RNF175: variants seen among roughly 807,000 people sequenced by gnomAD.
RNF175 encodes the protein ring finger protein 175.
Under a neutral mutation model 50.0 loss-of-function variants are expected in RNF175, and 38 were observed. The observed-to-expected ratio is 0.76, with a 90% confidence interval of 0.59 to 1.00. The LOEUF is 1.00. Among genes scored for constraint, RNF175 ranks in the 50% least tolerant of loss-of-function variants. The pLI is 0.00. For missense variants in RNF175, 388 were observed against 409.6 expected, an observed-to-expected ratio of 0.95 and a Z score of 0.46; for synonymous variants, 155 against 146.1, an observed-to-expected ratio of 1.06 and a Z score of -0.44.
chr4:153,730,210 G>T (rs931569149), intron 3 of RNF175, among the ~76,000 whole-genome samples: 6 of 152,056 alleles, frequency 3.9e-5, no homozygotes, highest in Non-Finnish European at 8.8e-5. Flanking sequence ...TTTGGGAGGC[G>T]GGGGTGGATG....
intron 4 of RNF175, among the ~76,000 whole-genome samples, chr4:153,724,451 G>T (rs1738549656): frequency 6.6e-6 from 1 of 152,142 alleles, no homozygotes; most frequent in Non-Finnish European, 1.5e-5. Context: ...ATGGCAGAAG[G>T]CCCTGTTTGC....
intron 7 of RNF175, 39 bp from the exon 8 acceptor site, chr4:153,712,615 G>A: frequency 7.6e-7 from 1 of 1,308,678 alleles, no homozygotes; most frequent in Non-Finnish European, 1.1e-6. Flanking sequence ...GATATGAAAA[G>A]GCAATGTCTG....
At chr4:153,713,558 C>G (rs1321668005) in intron 7 of RNF175, 1 of 152,144 alleles carries the variant, frequency 6.6e-6, no homozygotes, top group Admixed American at 6.5e-5. Flanking sequence ...GGGCCAAGAT[C>G]ACATGATCTT....
chr4:153,755,454 G>C lies in RNF175; in HGVS notation c.67-3979C>G, dbSNP rs116060262. 2.7e-3 allele frequency among the ~76,000 whole-genome samples: 417 copies of C among 152,020 alleles called. 1 individual carries two copies. Among genetic ancestry groups the C allele is most frequent in the Middle Eastern group, 6.8e-3 (2 of 294 alleles). ...AAGAGTTCTGCACCCATAATGACAAGAACACTGCTTTAAAGAATATAGAAA... is the reference window on the plus strand; with the variant it reads ...AAGAGTTCTGCACCCATAATGACAACAACACTGCTTTAAAGAATATAGAAA... On this transcript the variant is annotated intron_variant, in intron 1 of 8. Transcript: ENST00000347063.
At chr4:153,727,625 C>T (rs915605003) in intron 4 of RNF175, 2 of 152,130 alleles carry the variant, frequency 1.3e-5, no homozygotes, top group African/African-American at 4.8e-5. Flanking sequence ...ATCCACAGAA[C>T]AGGGAGGGCA....
chr4:153,759,910 G>T lies in RNF175; in HGVS notation c.-48C>A. The T allele has an allele frequency of 8.7e-7, 1 of 1,146,940 alleles. No homozygotes were observed. 71.0% of individuals were successfully genotyped at this position (1,146,940 alleles called of 1,614,324 possible). A position where few individuals can be genotyped will look rare whatever the true frequency, so the allele number is the denominator to read the frequency against. On this transcript the variant is annotated 5_prime_UTR_variant, in exon 1 of 9. Transcript: ENST00000347063. ...CAGGGCACAGCGCCTGCCGGGGAGGGTCCCGCAGAGTCCGCAGAAGGAGGC... is the reference window on the plus strand; with the variant it reads ...CAGGGCACAGCGCCTGCCGGGGAGGTTCCCGCAGAGTCCGCAGAAGGAGGC...
chr4:153,759,556 A>AGGAAAGGAAGGTAGCG (rs1740723342), intron 1 of RNF175, among the ~76,000 whole-genome samples: 1 of 151,874 alleles, frequency 6.6e-6, no homozygotes, highest in African/African-American at 2.4e-5. Flanking sequence ...GATCAGAAGG[A>AGGAAAGGAAGGTAGCG]GGAAAGGAAG....
At chr4:153,746,373 G>GC (rs1192199063) in intron 3 of RNF175, among the ~76,000 whole-genome samples, 3 of 152,330 alleles carry the variant, frequency 2.0e-5, no homozygotes, top group East Asian at 1.9e-4. Context: ...GAACAGCCTT[G>GC]CCCCCCCATG....
rs755603150 is a variant in RNF175, at chr4:153,712,557, G to T, written c.784C>A (p.Arg262=). Residue 262 remains arginine, a synonymous_variant, in exon 8 of 9, where the codon CGA becomes AGA. Transcript: ENST00000347063. ...CNHVFHEFCI[R]GWCIVGKKQT... ...TTTTTCCCAACGATACACCAACCTC[G>T]GATGCAGAATTCATGAAAGCTGAAG... 6.2e-7 allele frequency: 1 copy of T among 1,611,886 alleles called. No individual in the cohort carries two copies. Among genetic ancestry groups the T allele is most frequent in the Non-Finnish European group, 8.5e-7 (1 of 1,178,470 alleles).
intron 6 of RNF175, among the ~76,000 whole-genome samples, chr4:153,716,646 A>T (rs537896555): frequency 6.6e-6 from 1 of 152,320 alleles, no homozygotes; most frequent in Admixed American, 6.5e-5. Context: ...TATACCACAT[A>T]TCTAGTTTCC....
intron 3 of RNF175, among the ~76,000 whole-genome samples, chr4:153,746,225 G>A (rs1164273009): frequency 6.6e-6 from 1 of 152,210 alleles, no homozygotes; most frequent in East Asian, 1.9e-4. Context: ...AAGAAGAAAG[G>A]AGTAGCAGGC....
At chr4:153,740,626 C>T (rs533678659) in intron 3 of RNF175, among the ~76,000 whole-genome samples, 1 of 152,300 alleles carries the variant, frequency 6.6e-6, no homozygotes, top group South Asian at 2.1e-4. Flanking sequence ...CCCTCTATGG[C>T]CTCTGGTAGC....
intron 3 of RNF175, among the ~76,000 whole-genome samples, chr4:153,744,545 T>A (rs1478306111): frequency 6.6e-6 from 1 of 152,206 alleles, no homozygotes. Flanking sequence ...AATCCACACC[T>A]GTATTACTAT....
intron 3 of RNF175, among the ~76,000 whole-genome samples, chr4:153,745,319 C>T (rs1739911753): frequency 6.6e-6 from 1 of 152,188 alleles, no homozygotes; most frequent in South Asian, 2.1e-4. Context: ...CTTGATTTAA[C>T]AAGCTCTCTA....
At chr4:153,715,253 C>G (rs1361698437) in intron 7 of RNF175, 1 of 461,974 alleles carries the variant, frequency 2.2e-6, no homozygotes, top group African/African-American at 2.0e-5. Context: ...CCAATTTCCC[C>G]TGCCAGCACC....
At chr4:153,754,270 G>A (rs1207589120) in intron 1 of RNF175, among the ~76,000 whole-genome samples, 1 of 152,164 alleles carries the variant, frequency 6.6e-6, no homozygotes, top group South Asian at 2.1e-4. Flanking sequence ...GGACTGGCAG[G>A]TTGGGGAGAA....
At chr4:153,728,776 C>T (rs965145949) in intron 3 of RNF175, among the ~76,000 whole-genome samples, 1 of 152,158 alleles carries the variant, frequency 6.6e-6, no homozygotes, top group African/African-American at 2.4e-5. Flanking sequence ...ACTCTGAAAA[C>T]CATACTGCAC....
At chr4:153,715,777 A>C in intron 6 of RNF175, 115 bp from the exon 7 acceptor site, 60 of 1,089,574 alleles carry the variant, frequency 5.5e-5, no homozygotes, top group Non-Finnish European at 7.3e-5. Flanking sequence ...TAGAATCTCC[A>C]CTGCGGCCGG....
intron 7 of RNF175, 45 bp downstream of exon 7, chr4:153,715,484 A>G (rs371173469): frequency 1.0e-4 from 154 of 1,544,672 alleles, no homozygotes; most frequent in Non-Finnish European, 1.3e-4. Context: ...AGGAGGAAAG[A>G]AGGAGGCTTG....
Sources: allele counts gnomAD v4.1 joint callset (sites outside exome capture counted in the v4.1 genomes callset), GRCh38; gene constraint gnomAD v4.1.1; transcripts MANE v1.5; gene names NCBI Gene and HGNC (gene_info 2026-07-23, HGNC 2026-07-21).